LINS1: variants seen among roughly 807,000 people sequenced by gnomAD.
LINS1 encodes the protein lines homolog 1.
In LINS1, 27 loss-of-function variants were observed where a neutral mutation model predicts 41.6. The observed-to-expected ratio is 0.65, with a 90% CI of 0.48 to 0.89. The LOEUF (loss-of-function observed/expected upper bound fraction) is 0.89. Among genes scored for constraint, LINS1 ranks in the 40% least tolerant of loss-of-function variants. LINS1 has a pLI of 0.00. For synonymous variants in LINS1, 336 were observed against 312.9 expected (o/e 1.07, Z -0.78); for missense variants, 955 against 884.1 (o/e 1.08, Z -1.02).
chr15:100,581,283 T>A (rs2038528817), intron 1 of LINS1, among the ~76,000 whole-genome samples: 1 of 152,232 alleles, frequency 6.6e-6, no homozygotes, highest in Admixed American at 6.5e-5. Context: ...CTGTTTTGTG[T>A]ATTATAAGAT....
chr15:100,575,964 C>G (rs1043620096), intron 3 of LINS1, among the ~76,000 whole-genome samples: 7 of 152,218 alleles, frequency 4.6e-5, no homozygotes, highest in African/African-American at 1.7e-4. Context: ...TAAAGATGTT[C>G]TTTGAAACCA....
intron 5 of LINS1, chr15:100,572,326 A>G: frequency 8.0e-7 from 1 of 1,255,286 alleles, no homozygotes; most frequent in East Asian, 4.2e-5. Flanking sequence ...ACTGCCTAAC[A>G]ACTGTCTCTT....
intron 1 of LINS1, among the ~76,000 whole-genome samples, chr15:100,601,548 T>C (rs1330927217): frequency 5.3e-5 from 8 of 152,042 alleles, no homozygotes; most frequent in Non-Finnish European, 1.0e-4. Flanking sequence ...ATTCACACCA[T>C]AGCACTACCT....
chr15:100,572,129 T>C, intron 5 of LINS1, 64 bp from the exon 6 acceptor site: 3 of 1,592,222 alleles, frequency 1.9e-6, no homozygotes, highest in South Asian at 2.3e-5. Flanking sequence ...ATCTTGCCTA[T>C]ATATAAATTC....
At chr15:100,572,444 G>A (rs2141271897) in intron 5 of LINS1, 3 of 1,047,590 alleles carry the variant, frequency 2.9e-6, no homozygotes, top group East Asian at 8.5e-5. Flanking sequence ...ATGCAACCAA[G>A]CAAAAATAAT....
chr15:100,590,329 C>T (rs1034183822), intron 1 of LINS1, among the ~76,000 whole-genome samples: 2 of 152,200 alleles, frequency 1.3e-5, no homozygotes, highest in African/African-American at 4.8e-5. Flanking sequence ...TAACCTTATA[C>T]TTTGACAGAT....
Position 100,574,980 on chromosome 15 carries a change from T to G in LINS1, c.631+7A>C, listed in dbSNP as rs764360933. On this transcript the variant is annotated splice_region_variant and intron_variant, in intron 4 of 6. Coordinates refer to ENST00000314742, the MANE Select transcript of LINS1 (RefSeq NM_001040616.3). ...GATGATTGTTTATGGGGCCATGTAATCCATACCTGTTTTCTGTGAACATGA... is the reference window on the plus strand; with the variant it reads ...GATGATTGTTTATGGGGCCATGTAAGCCATACCTGTTTTCTGTGAACATGA... The G allele has an allele frequency of 6.8e-6, 11 of 1,611,822 alleles. No individual in the cohort carries two copies. In the African/African-American group the frequency reaches 1.5e-4, roughly 22 times the overall value.
intron 3 of LINS1, among the ~76,000 whole-genome samples, chr15:100,575,470 C>T (rs1166710103): frequency 3.9e-5 from 6 of 152,130 alleles, no homozygotes; most frequent in African/African-American, 1.4e-4. Flanking sequence ...ACAAGAAGAG[C>T]TAACTATCCT....
chr15:100,575,488 T>C lies in LINS1; in HGVS notation c.490-360A>G, dbSNP rs578059362. Among the ~76,000 whole-genome samples the C allele has an allele frequency of 3.3e-5, 5 of 152,254 alleles. No homozygotes were observed. The East Asian group carries it at 9.7e-4, about 29-fold the overall frequency. Reference sequence around the variant, plus strand: ...AGAAGAGCTAACTATCCTAAATATATATGCACCCAATACAAGAGCACCCAG... The same window carrying C: ...AGAAGAGCTAACTATCCTAAATATACATGCACCCAATACAAGAGCACCCAG... On this transcript the variant is annotated intron_variant, in intron 3 of 6. Coordinates refer to ENST00000314742, the MANE Select transcript of LINS1 (RefSeq NM_001040616.3).
intron 3 of LINS1, among the ~76,000 whole-genome samples, chr15:100,576,093 C>A (rs974166720): frequency 6.6e-6 from 1 of 151,894 alleles, no homozygotes; most frequent in African/African-American, 2.4e-5. Flanking sequence ...AAATTGACAC[C>A]CTAACATCAC....
At chr15:100,601,392 C>G (rs2141375216) in intron 1 of LINS1, among the ~76,000 whole-genome samples, 1 of 152,244 alleles carries the variant, frequency 6.6e-6, no homozygotes, top group East Asian at 1.9e-4. Flanking sequence ...CCAGTTCTAC[C>G]TCCGTGATAA....
chr15:100,579,304 G>C (rs931584978), intron 3 of LINS1, among the ~76,000 whole-genome samples: 4 of 151,710 alleles, frequency 2.6e-5, no homozygotes, highest in Non-Finnish European at 5.9e-5. Context: ...CTCTTAGGTA[G>C]ACTATAACAA....
At position 100,580,663 on chromosome 15, in the gene LINS1, C is replaced by A; in HGVS notation, c.180G>T (p.Gln60His). The change falls in exon 2 of 7, where the codon CAG becomes CAT. Residue 60 changes from glutamine (Q) to histidine (H), a missense_variant. Transcript: ENST00000314742. The stretch of plus-strand genomic sequence containing the variant: ...TGGGAGCCACACCAACAGAGATGGG[C>A]TGATGCCTGCCCTGGATACCACAGG... ...ANTCGIQGRHQPISVGVAPIA... is the reference protein window; with the variant it reads ...ANTCGIQGRHHPISVGVAPIA... The A allele has an allele frequency of 6.2e-7, 1 of 1,613,934 alleles. No homozygotes were observed. Among genetic ancestry groups the A allele is most frequent in the Non-Finnish European group, 8.5e-7 (1 of 1,179,944 alleles).
At position 100,573,984 on chromosome 15, in the gene LINS1, T is replaced by A; in HGVS notation, c.889A>T (p.Arg297Trp). The A allele has an allele frequency of 6.2e-7, 1 of 1,614,228 alleles. No homozygotes were observed. Among genetic ancestry groups the A allele is most frequent in the African/African-American group, 1.3e-5 (1 of 75,068 alleles). The change falls in exon 5 of 7, where the codon AGG becomes TGG. Residue 297 changes from arginine (R) to tryptophan (W), a missense_variant. Physicochemically the swap from Arg to Trp is moderately radical, Grantham distance 101 (BLOSUM62 -3). Transcript: ENST00000314742. ...ITWPIQAFVK[R>W]KVIIFLKKCL... is the part of the protein sequence containing the mutation. ...TTTTTGAGGAATATGATGACCTTCC[T>A]TTTAACAAAAGCCTGAATAGGCCAG... is the stretch of plus-strand genomic sequence containing the variant.
chr15:100,599,480 G>A (rs1469167486), intron 1 of LINS1, among the ~76,000 whole-genome samples: 6 of 152,076 alleles, frequency 3.9e-5, no homozygotes, highest in Non-Finnish European at 1.5e-5. Flanking sequence ...AAAACAAATG[G>A]CCAGAAATAC....
chr15:100,574,860 G>T, intron 4 of LINS1, 127 bp downstream of exon 4: 1 of 1,000,886 alleles, frequency 1.0e-6, no homozygotes. Flanking sequence ...AAATATATTG[G>T]AAGAGACTGA....
chr15:100,583,827 T>A (rs921658206), intron 1 of LINS1, among the ~76,000 whole-genome samples: 3 of 152,224 alleles, frequency 2.0e-5, no homozygotes, highest in Non-Finnish European at 2.9e-5. Flanking sequence ...CTGTCACACA[T>A]CAGAAATTAG....
At position 100,567,450 on chromosome 15, in the gene LINS1, A is replaced by G. The variant is rs969889697; in HGVS notation, c.*1788T>C. On this transcript the variant is annotated 3_prime_UTR_variant, in exon 7 of 7. Coordinates refer to ENST00000314742, the MANE Select transcript of LINS1 (RefSeq NM_001040616.3). ...GACTTTCTTATGTAGTCTTACATACATATTTTATACATGCACAAAAGCATA... is the reference window on the plus strand; with the variant it reads ...GACTTTCTTATGTAGTCTTACATACGTATTTTATACATGCACAAAAGCATA... The G allele has an allele frequency of 4.6e-5, 7 of 152,222 alleles. No individual in the cohort carries two copies. The highest frequency in any genetic ancestry group is 3.2e-3 in the Middle Eastern group (1 of 316). The allele number at this position is 152,222 out of a possible 1,614,324, so 9.4% of individuals were successfully genotyped here.
At chr15:100,574,679 G>C (rs1046097532) in intron 4 of LINS1, among the ~76,000 whole-genome samples, 2 of 152,174 alleles carry the variant, frequency 1.3e-5, no homozygotes, top group Non-Finnish European at 2.9e-5. Flanking sequence ...TTGCACTCCA[G>C]CCTGGGCAAC....
Sources: allele counts gnomAD v4.1 joint callset (sites outside exome capture counted in the v4.1 genomes callset), GRCh38; gene constraint gnomAD v4.1.1; transcripts MANE v1.5; gene names NCBI Gene and HGNC (gene_info 2026-07-23, HGNC 2026-07-21).